GCH1: variants seen among roughly 807,000 people sequenced by gnomAD.
GCH1 encodes the protein GTP cyclohydrolase I.
In GCH1, 5 loss-of-function variants were observed where a neutral mutation model predicts 25.9. That is an observed-to-expected ratio of 0.19 (90% CI 0.10 to 0.41). The LOEUF (loss-of-function observed/expected upper bound fraction) is 0.41, where lower values mean the gene tolerates loss of function less well. Among genes scored for constraint, GCH1 ranks in the 10% least tolerant of loss-of-function variants. The pLI, the probability that GCH1 is intolerant of heterozygous loss-of-function variation, is 1.00. For missense variants in GCH1, 261 were observed against 336.5 expected (o/e 0.78, Z 1.75); for synonymous variants, 159 against 129.6 (o/e 1.23, Z -1.54).
chr14:54,842,367 G>A lies in GCH1; in HGVS notation c.*1650C>T, dbSNP rs1489546894. The A allele has an allele frequency of 2.6e-5, 4 of 152,604 alleles. No individual in the cohort carries two copies. Among genetic ancestry groups the A allele is most frequent in the African/African-American group, 2.4e-5 (1 of 41,438 alleles). The allele number at this position is 152,604 out of a possible 1,614,324, so 9.5% of individuals were successfully genotyped here. The stretch of plus-strand genomic sequence containing the variant: ...ATAGCTGACAATTTCTTTGGTCCTC[G>A]AAGTCACACTTGTTTTTACTTTAAA... On this transcript the variant is annotated 3_prime_UTR_variant, in exon 6 of 6. Transcript: ENST00000491895.
At chr14:54,863,221 C>T (rs886290316) in intron 2 of GCH1, among the ~76,000 whole-genome samples, 1 of 151,592 alleles carries the variant, frequency 6.6e-6, no homozygotes, top group African/African-American at 2.4e-5. Context: ...AGATCAAGAC[C>T]ATCCTGGCTA....
rs1212537614 is a variant in GCH1 at position 54,865,432 on chromosome 14, G to A, written c.348C>T (p.Val116=). Residue 116 remains valine (V), a synonymous_variant, in exon 2 of 6, where the codon GTC becomes GTT. Transcript: ENST00000491895. The part of the protein sequence containing the change: ...TKGYQETISD[V]LNDAIFDEDH... ...CTTCATCAAATATAGCATCGTTTAG[G>A]ACATCTGAAATCAGAGGCTTGCTTT... is the stretch of plus-strand genomic sequence containing the variant. The A allele has an allele frequency of 2.1e-5, 32 of 1,489,818 alleles. No homozygotes were observed. Among genetic ancestry groups the A allele is most frequent in the Non-Finnish European group, 3.0e-5 (32 of 1,067,928 alleles). 92.3% of individuals were successfully genotyped at this position (1,489,818 alleles called of 1,614,324 possible). A position where few individuals can be genotyped will look rare whatever the true frequency, so the allele number is the denominator to read the frequency against.
intron 3 of GCH1, among the ~76,000 whole-genome samples, chr14:54,847,724 C>T (rs2039664998): frequency 6.6e-6 from 1 of 151,864 alleles, no homozygotes; most frequent in East Asian, 1.9e-4. Flanking sequence ...CTTACTAATA[C>T]AGAAGACCAC....
chr14:54,856,732 C>T (rs1952437), intron 3 of GCH1, among the ~76,000 whole-genome samples: 30,742 of 152,078 alleles, frequency 0.2, 3,555 homozygotes, highest in Middle Eastern at 0.39. Flanking sequence ...AGATTACAGG[C>T]ATGAGCCACC....
rs971678532 is a variant in GCH1, at chr14:54,887,296, C to T, written c.343+15025G>A. Among the ~76,000 whole-genome samples, 3 of 152,132 alleles carry T rather than the reference C, an allele frequency of 2.0e-5. No individual in the cohort carries two copies. The South Asian group carries it at 6.2e-4, about 32-fold the overall frequency. The stretch of plus-strand genomic sequence containing the variant: ...TCAAGATCCAAATACTTAGTGTCTC[C>T]CAGTTGTGACAGTGCATGAAGTACA... On this transcript the variant is annotated intron_variant, in intron 1 of 5. Coordinates refer to ENST00000491895, the MANE Select transcript of GCH1 (RefSeq NM_000161.3).
chr14:54,849,438 T>C (rs1372149298), intron 3 of GCH1, among the ~76,000 whole-genome samples: 2 of 152,256 alleles, frequency 1.3e-5, no homozygotes, highest in Non-Finnish European at 2.9e-5. Context: ...ATATCTATCT[T>C]GCCCTTCAGT....
intron 1 of GCH1, chr14:54,878,013 C>G (rs996918399): frequency 6.5e-6 from 1 of 152,898 alleles, no homozygotes; most frequent in African/African-American, 2.4e-5. Context: ...ATGTTTTGTG[C>G]TGCTACACAG....
intron 1 of GCH1, among the ~76,000 whole-genome samples, chr14:54,877,366 C>T (rs546313292): frequency 6.6e-6 from 1 of 152,288 alleles, no homozygotes; most frequent in East Asian, 1.9e-4. Flanking sequence ...TCAGGTATAC[C>T]TTTCTCATGT....
intron 3 of GCH1, among the ~76,000 whole-genome samples, chr14:54,851,864 C>T (rs989113333): frequency 6.6e-6 from 1 of 152,222 alleles, no homozygotes; most frequent in Non-Finnish European, 1.5e-5. Flanking sequence ...CCAGCCATCC[C>T]ATTACTGGGT....
At chr14:54,857,668 A>G (rs889765931) in intron 3 of GCH1, among the ~76,000 whole-genome samples, 4 of 152,368 alleles carry the variant, frequency 2.6e-5, no homozygotes, top group Admixed American at 1.3e-4. Context: ...TTATAAAACC[A>G]TAAGAATAAC....
intron 1 of GCH1, among the ~76,000 whole-genome samples, chr14:54,894,348 C>T (rs575073532): frequency 4.6e-5 from 7 of 152,228 alleles, no homozygotes; most frequent in Admixed American, 3.3e-4. Context: ...CCAAGGAACA[C>T]CATCAACTGA....
At chr14:54,885,420 C>A in intron 1 of GCH1, 2 of 231,154 alleles carry the variant, frequency 8.7e-6, no homozygotes, top group South Asian at 6.0e-5. Flanking sequence ...AGTGCTTTTT[C>A]AGGTTCAGGT....
At chr14:54,855,001 G>A (rs368849372) in intron 3 of GCH1, among the ~76,000 whole-genome samples, 1 of 152,046 alleles carries the variant, frequency 6.6e-6, no homozygotes, top group African/African-American at 2.4e-5. Flanking sequence ...ACTTCAGATA[G>A]ATTCAAAGCA....
chr14:54,849,836 A>T, intron 3 of GCH1, among the ~76,000 whole-genome samples: 1 of 151,820 alleles, frequency 6.6e-6, no homozygotes, highest in African/African-American at 2.4e-5. Context: ...CTTCCCAATC[A>T]CCGTATTTAA....
intron 1 of GCH1, among the ~76,000 whole-genome samples, chr14:54,891,139 G>A (rs768198670): frequency 5.9e-5 from 9 of 152,162 alleles, no homozygotes; most frequent in Non-Finnish European, 1.0e-4. Flanking sequence ...GTCCCACTCT[G>A]TCATCCAGGT....
At chr14:54,902,293 C>T (rs375868601) in intron 1 of GCH1, 28 bp downstream of exon 1, 3 of 1,607,394 alleles carry the variant, frequency 1.9e-6, no homozygotes, top group Admixed American at 1.7e-5. Flanking sequence ...GCCGCCCGCA[C>T]GCTCTAGCAG....
intron 3 of GCH1, among the ~76,000 whole-genome samples, chr14:54,853,805 T>C (rs1219044648): frequency 2.0e-5 from 3 of 152,202 alleles, no homozygotes; most frequent in African/African-American, 7.2e-5. Flanking sequence ...ATCAAATTAA[T>C]TGACACTTCA....
intron 3 of GCH1, among the ~76,000 whole-genome samples, chr14:54,857,181 C>A (rs2039824624): frequency 5.9e-5 from 9 of 152,080 alleles, no homozygotes; most frequent in Admixed American, 5.9e-4. Flanking sequence ...GCTTCATGTT[C>A]CATTTTATTC....
intron 1 of GCH1, among the ~76,000 whole-genome samples, chr14:54,898,808 T>C (rs1054209080): frequency 7.2e-5 from 11 of 152,236 alleles, no homozygotes; most frequent in African/African-American, 2.6e-4. Flanking sequence ...TTAGTAGAGA[T>C]GGGGTTTCAA....
Sources: gnomAD v4.1 joint callset for allele counts (sites outside exome capture counted in the v4.1 genomes callset) on GRCh38, gnomAD v4.1.1 for gene constraint, MANE v1.5 for transcripts, NCBI Gene and HGNC (gene_info 2026-07-23, HGNC 2026-07-21) for gene names.